Variants in NELL2 observed in about 807,000 individuals in gnomAD.
The protein encoded by NELL2 is neural EGFL like 2.
A neutral mutation model predicts 109.6 loss-of-function variants in NELL2; 41 were observed. The ratio of observed to expected loss-of-function variants is 0.37; its 90% CI spans 0.29 to 0.49. The LOEUF is 0.49. Among genes scored for constraint, NELL2 ranks in the 20% least tolerant of loss-of-function variants. The probability of loss-of-function intolerance (pLI) is 0.98; values close to 1 mark genes in which losing one functional copy is unlikely to be tolerated. For synonymous variants in NELL2, 355 were observed against 344.7 expected (o/e 1.03, Z -0.33); for missense variants, 900 against 1,008.3 (o/e 0.89, Z 1.45).
chr12:44,859,023 T>C (rs934585234), intron 2 of NELL2, among the ~76,000 whole-genome samples: 2 of 152,216 alleles, frequency 1.3e-5, no homozygotes, highest in Non-Finnish European at 2.9e-5. Flanking sequence ...GTTAAATGAT[T>C]ACCTACAATT....
At chr12:44,894,570 C>G (rs1945572323) in intron 1 of NELL2, among the ~76,000 whole-genome samples, 1 of 151,782 alleles carries the variant, frequency 6.6e-6, no homozygotes, top group Non-Finnish European at 1.5e-5. Flanking sequence ...ATCCACTATT[C>G]TCATGCATGC....
chr12:44,801,167 A>G (rs2136652915), intron 3 of NELL2, among the ~76,000 whole-genome samples: 1 of 152,278 alleles, frequency 6.6e-6, no homozygotes, highest in East Asian at 1.9e-4. Context: ...AAGTTTTGCC[A>G]TTAACTTTTT....
chr12:44,600,858 T>C (rs1945190938), intron 15 of NELL2, among the ~76,000 whole-genome samples: 1 of 152,160 alleles, frequency 6.6e-6, no homozygotes, highest in South Asian at 2.1e-4. Flanking sequence ...ACTTTTAAAT[T>C]TTATACAATA....
At chr12:44,568,133 T>TG (rs1257759448) in intron 15 of NELL2, among the ~76,000 whole-genome samples, 6 of 152,012 alleles carry the variant, frequency 3.9e-5, no homozygotes, top group Non-Finnish European at 8.8e-5. Flanking sequence ...AGACAAAGGT[T>TG]GAAAAAAAGG....
chr12:44,756,540 C>T (rs1461659316), intron 9 of NELL2, among the ~76,000 whole-genome samples: 3 of 152,042 alleles, frequency 2.0e-5, no homozygotes, highest in Non-Finnish European at 4.4e-5. Context: ...TCTAATCTGG[C>T]GTCCTTTTCC....
chr12:44,875,595 C>G, intron 1 of NELL2: 1 of 1,613,696 alleles, frequency 6.2e-7, no homozygotes, highest in Non-Finnish European at 8.5e-7. Context: ...AAAGTTCCCC[C>G]TCAGCCCTCC....
chr12:44,835,130 G>A (rs1429940290), intron 2 of NELL2, among the ~76,000 whole-genome samples: 1 of 152,108 alleles, frequency 6.6e-6, no homozygotes, highest in African/African-American at 2.4e-5. Flanking sequence ...GTGGAAATGG[G>A]TGGGACTGGC....
intron 2 of NELL2, among the ~76,000 whole-genome samples, chr12:44,849,875 A>T (rs2136775680): frequency 6.6e-6 from 1 of 152,320 alleles, no homozygotes; most frequent in Admixed American, 6.5e-5. Flanking sequence ...TTAAGTGAAA[A>T]AAGCCAGGCA....
chr12:44,772,087 C>G (rs1402055393), intron 9 of NELL2, among the ~76,000 whole-genome samples: 1 of 152,018 alleles, frequency 6.6e-6, no homozygotes, highest in Non-Finnish European at 1.5e-5. Context: ...TGAGCAGAAG[C>G]GTTTCAAAGA....
intron 2 of NELL2, among the ~76,000 whole-genome samples, chr12:44,870,691 G>A (rs772200595): frequency 3.9e-5 from 6 of 152,074 alleles, no homozygotes; most frequent in Non-Finnish European, 7.4e-5. Context: ...CCAGTGGCCA[G>A]ACTAGTTTTT....
chr12:44,617,813 G>A (rs1396208817), intron 13 of NELL2, among the ~76,000 whole-genome samples: 1 of 151,648 alleles, frequency 6.6e-6, no homozygotes, highest in African/African-American at 2.4e-5. Context: ...ATCTACTTCA[G>A]TGGGACAATT....
At chr12:44,680,907 T>C (rs182086197) in intron 12 of NELL2, among the ~76,000 whole-genome samples, 177 of 152,298 alleles carry the variant, frequency 1.2e-3, no homozygotes, top group African/African-American at 3.7e-3. Context: ...GCTTTGACAA[T>C]GTCATTTCAT....
chr12:44,531,816 T>C (rs1319672486), intron 16 of NELL2, among the ~76,000 whole-genome samples: 2 of 152,180 alleles, frequency 1.3e-5, no homozygotes, highest in Non-Finnish European at 2.9e-5. Context: ...GTTCTCAAGT[T>C]GTGTTTTGTT....
At chr12:44,527,030 T>C (rs1565874587) in intron 16 of NELL2, among the ~76,000 whole-genome samples, 1 of 152,376 alleles carries the variant, frequency 6.6e-6, no homozygotes, top group East Asian at 1.9e-4. Context: ...AATCTCATCA[T>C]ACTTAGCAAA....
At chr12:44,645,970 C>T (rs1384144843) in intron 13 of NELL2, among the ~76,000 whole-genome samples, 1 of 152,054 alleles carries the variant, frequency 6.6e-6, no homozygotes, top group South Asian at 2.1e-4. Context: ...AACTGTTTAG[C>T]AATCAATTCA....
At chr12:44,917,727 A>C (rs1945838934), upstream of NELL2, among the ~76,000 whole-genome samples, 1 of 152,210 alleles carries the variant, frequency 6.6e-6, no homozygotes, top group Non-Finnish European at 1.5e-5. Context: ...TAAAAGAGTG[A>C]CTAGGCACTC....
At chr12:44,573,371 C>T (rs1294397222) in intron 15 of NELL2, among the ~76,000 whole-genome samples, 1 of 152,092 alleles carries the variant, frequency 6.6e-6, no homozygotes, top group Non-Finnish European at 1.5e-5. Flanking sequence ...AGAAGACAAT[C>T]AAAATCGTAG....
intron 9 of NELL2, among the ~76,000 whole-genome samples, chr12:44,762,206 C>T (rs1295099311): frequency 6.6e-6 from 1 of 152,090 alleles, no homozygotes; most frequent in Non-Finnish European, 1.5e-5. Flanking sequence ...ATGGCTAACA[C>T]ACCTCTTAAA....
chr12:44,658,890 A>G lies in NELL2; in HGVS notation c.1444+6594T>C, dbSNP rs1469637723. 4.0e-5 allele frequency among the ~76,000 whole-genome samples: 6 copies of G among 150,710 alleles called. No individual in the cohort carries two copies. In the South Asian group the frequency reaches 8.3e-4, roughly 21 times the overall value. On this transcript the variant is annotated intron_variant, in intron 13 of 19. Coordinates refer to ENST00000429094, the MANE Select transcript of NELL2 (RefSeq NM_001145108.2). ...AGACTCTGTCTCCAAAAAAAAAAAA[A>G]AAAAAAAAAGAAAAGAAAAAGAACA...
Sources: gnomAD v4.1 joint callset for allele counts (sites outside exome capture counted in the v4.1 genomes callset) on GRCh38, gnomAD v4.1.1 for gene constraint, MANE v1.5 for transcripts, NCBI Gene and HGNC (gene_info 2026-07-23, HGNC 2026-07-21) for gene names.